Variants in ITGAL observed in about 807,000 individuals in gnomAD.
ITGAL encodes the protein integrin subunit alpha L.
ITGAL carries 68 observed loss-of-function variants against 138.4 expected under a neutral mutation model. The ratio of observed to expected loss-of-function variants is 0.49; its 90% CI spans 0.40 to 0.60. The LOEUF (loss-of-function observed/expected upper bound fraction) is 0.60. Among genes scored for constraint, ITGAL ranks in the 20% least tolerant of loss-of-function variants. ITGAL has a pLI of 0.00. For missense variants in ITGAL, 1,256 were observed against 1,478.6 expected, an observed-to-expected ratio of 0.85 and a Z score of 2.47; for synonymous variants, 561 against 584.3, an observed-to-expected ratio of 0.96 and a Z score of 0.57.
chr16:30,499,318 G>C lies in ITGAL; in HGVS notation c.1994-20G>C. The C allele has an allele frequency of 1.2e-6, 2 of 1,613,858 alleles. No homozygotes were observed. The highest frequency in any genetic ancestry group is 3.3e-4 in the Middle Eastern group (2 of 6,062). On this transcript the variant is annotated intron_variant, in intron 16 of 30. Transcript: ENST00000356798. ...TGGGATCCCCCACCATTTAACTCTT[G>C]CCTTTTCCGCCCTGCCCAGGCCGCC...
chr16:30,502,403 A>C (rs1408276032), intron 17 of ITGAL, among the ~76,000 whole-genome samples: 3 of 94,788 alleles, frequency 3.2e-5, no homozygotes, highest in Non-Finnish European at 5.7e-5. Context: ...TCTCAAAAAA[A>C]AAAAAAAAAA....
At chr16:30,473,783 A>C (rs1204555443) in intron 1 of ITGAL, among the ~76,000 whole-genome samples, 1 of 151,956 alleles carries the variant, frequency 6.6e-6, no homozygotes, top group Admixed American at 6.5e-5. Context: ...ACAATCTGAG[A>C]CTGTGGGAGG....
At position 30,520,948 on chromosome 16, in the gene ITGAL, G is replaced by T. The variant is rs34173344; in HGVS notation, c.3340-544G>T. Among the ~76,000 whole-genome samples, 687 of 152,260 alleles carry T rather than the reference G, an allele frequency of 4.5e-3. 4 individuals are homozygous for T. Among genetic ancestry groups the T allele is most frequent in the African/African-American group, 0.016 (651 of 41,544 alleles). ...AGAAATACAAAATTAGCTGGGCATG[G>T]TGGCGCATGCCTGTAATCCCAGCTG... On this transcript the variant is annotated intron_variant, in intron 30 of 30. Coordinates refer to ENST00000356798, the MANE Select transcript of ITGAL (RefSeq NM_002209.3).
At chr16:30,497,967 G>A (rs1039001042) in intron 15 of ITGAL, among the ~76,000 whole-genome samples, 7 of 151,168 alleles carry the variant, frequency 4.6e-5, no homozygotes, top group Non-Finnish European at 7.4e-5. Flanking sequence ...TAAATAGGCC[G>A]GATGCAATGA....
intron 9 of ITGAL, among the ~76,000 whole-genome samples, chr16:30,484,747 C>T (rs375782011): frequency 1.2e-4 from 19 of 152,004 alleles, no homozygotes; most frequent in African/African-American, 4.1e-4. Context: ...GGCGAAACCC[C>T]GTCTCTACTA....
chr16:30,488,222 T>TTTCAAAGG (rs1231590805), intron 9 of ITGAL, among the ~76,000 whole-genome samples: 1 of 151,340 alleles, frequency 6.6e-6, no homozygotes, highest in African/African-American at 2.4e-5. Context: ...AAAGGGTGTA[T>TTTCAAAGG]TTCAAAGGCA....
intron 20 of ITGAL, among the ~76,000 whole-genome samples, 180 bp downstream of exon 20, chr16:30,505,642 C>T (rs1214317485): frequency 6.6e-6 from 1 of 152,072 alleles, no homozygotes; most frequent in Non-Finnish European, 1.5e-5. Flanking sequence ...CTTCAGGAGG[C>T]CAACCAAAGG....
chr16:30,513,808 A>T lies in ITGAL; in HGVS notation c.2824A>T (p.Lys942Ter), dbSNP rs747315408. Residue 942 changes from lysine to a stop codon, truncating the protein, a stop_gained, in exon 25 of 31, where the codon AAA (lysine) becomes TAA (stop). Coordinates refer to ENST00000356798, the MANE Select transcript of ITGAL (RefSeq NM_002209.3). LOFTEE classifies it high-confidence loss of function. ...CACACTCTATGTCAGTTTCACCCCC[A>T]AAGGCCCCAAGATCCACCAAGTCAA... The part of the protein sequence containing the change: ...DSTLYVSFTP[K>*]GPKIHQVKHM... The T allele has an allele frequency of 6.2e-7, 1 of 1,613,834 alleles. No individual in the cohort carries two copies. Among genetic ancestry groups the T allele is most frequent in the Non-Finnish European group, 8.5e-7 (1 of 1,179,766 alleles).
rs2151163682 is a variant in ITGAL at position 30,502,166 on chromosome 16, G to A, written c.2146-2009G>A. Among the ~76,000 whole-genome samples the A allele has an allele frequency of 2.6e-5, 4 of 152,278 alleles. No individual in the cohort carries two copies. In the Middle Eastern group the frequency reaches 0.01, roughly 388 times the overall value. The stretch of plus-strand genomic sequence containing the variant: ...TAATCCCAGCACTTTGGGAGGCCAA[G>A]GTGGGCGGATCACGAGGTGAGGAGA... On this transcript the variant is annotated intron_variant, in intron 17 of 30. Transcript: ENST00000356798.
chr16:30,490,596 G>T (rs1484090259), intron 11 of ITGAL, among the ~76,000 whole-genome samples: 1 of 152,084 alleles, frequency 6.6e-6, no homozygotes, highest in African/African-American at 2.4e-5. Context: ...TGGAACTGTG[G>T]CTAGTAAACT....
intron 25 of ITGAL, among the ~76,000 whole-genome samples, chr16:30,514,318 C>T (rs1331224624): frequency 6.6e-6 from 1 of 151,832 alleles, no homozygotes; most frequent in African/African-American, 2.4e-5. Context: ...ACTCTGTCAC[C>T]CAGGCTGGAG....
chr16:30,479,967 A>G (rs2050530705), intron 6 of ITGAL, among the ~76,000 whole-genome samples: 2 of 145,974 alleles, frequency 1.4e-5, no homozygotes. Context: ...TTTTTGAGAC[A>G]GGGTCTCACT....
chr16:30,484,216 T>C lies in ITGAL; in HGVS notation c.959T>C (p.Leu320Pro). 1 of 1,614,136 alleles carries C rather than the reference T, an allele frequency of 6.2e-7. No homozygotes were observed. ...AAAATTCTGGACACATTTGAGAAGCTGAAAGATCTATTCACTGAGCTGCAG... is the reference window on the plus strand; with the variant it reads ...AAAATTCTGGACACATTTGAGAAGCCGAAAGATCTATTCACTGAGCTGCAG... ...FVKILDTFEKLKDLFTELQKK... is the reference protein window; with the variant it reads ...FVKILDTFEKPKDLFTELQKK... Residue 320 changes from leucine to proline, a missense_variant, in exon 9 of 31, where the codon CTG becomes CCG. By Grantham distance (98) the Leu-to-Pro change is moderately conservative (BLOSUM62 -3). This residue lies in a region of ITGAL where 177 missense variants were observed against 288.8 expected (regional missense o/e 0.61). Coordinates refer to ENST00000356798, the MANE Select transcript of ITGAL (RefSeq NM_002209.3).
At chr16:30,481,139 T>TAA (rs1254150241) in intron 6 of ITGAL, 4 of 223,928 alleles carry the variant, frequency 1.8e-5, no homozygotes, top group African/African-American at 9.0e-5. Flanking sequence ...CCGTCTCTAC[T>TAA]AAAAACACAC....
At chr16:30,512,842 A>G (rs1256560693) in intron 24 of ITGAL, among the ~76,000 whole-genome samples, 2 of 152,072 alleles carry the variant, frequency 1.3e-5, no homozygotes, top group Non-Finnish European at 2.9e-5. Flanking sequence ...CTGGGACTAC[A>G]GGTGCCTGCC....
At chr16:30,484,316 C>T in intron 9 of ITGAL, 53 bp downstream of exon 9, 1 of 1,566,602 alleles carries the variant, frequency 6.4e-7, no homozygotes, top group Non-Finnish European at 8.7e-7. Flanking sequence ...AGAAATTCCC[C>T]TGGGACATCA....
chr16:30,497,931 A>G (rs2050826704), intron 15 of ITGAL, among the ~76,000 whole-genome samples: 2 of 150,968 alleles, frequency 1.3e-5, no homozygotes, highest in Admixed American at 1.3e-4. Context: ...TGAGCTACAG[A>G]GTGAGATCCT....
rs1064524 is a variant in ITGAL at position 30,481,502 on chromosome 16, C to T, written c.640C>T (p.Arg214Trp). 69,254 of 1,612,466 alleles carry T rather than the reference C, an allele frequency of 0.043. 1,798 individuals are homozygous for T. Among genetic ancestry groups the T allele is most frequent in the Non-Finnish European group, 0.051 (59,955 of 1,178,766 alleles). Residue 214 changes from arginine to tryptophan, a missense_variant, in exon 7 of 31, where the codon CGG becomes TGG. Arg to Trp is a moderately radical substitution (Grantham distance 101, BLOSUM62 -3). Transcript: ENST00000356798. ...ATTTGATTTCTCAGATTATGTTAAA[C>T]GGAAGGACCCTGATGCTCTGCTGAA... ...TEFDFSDYVKRKDPDALLKHV... is the reference protein window; with the variant it reads ...TEFDFSDYVKWKDPDALLKHV...
In ITGAL at chr16:30,494,299, T is replaced by C. The variant is rs1399552741; in HGVS notation, c.1301T>C (p.Leu434Pro). 3 of 1,613,494 alleles carry C rather than the reference T, an allele frequency of 1.9e-6. No homozygotes were observed. Among genetic ancestry groups the C allele is most frequent in the Non-Finnish European group, 2.5e-6 (3 of 1,179,708 alleles). ...APRYQHMGRV[L>P]LFQEPQGGGH... ...CGATACCAGCACATGGGCCGAGTGC[T>C]GCTGTTCCAAGAGCCACAGGGCGGA... Residue 434 changes from leucine to proline, a missense_variant, in exon 12 of 31, where the codon CTG (leucine) becomes CCG (proline). Physicochemically the swap from Leu to Pro is moderately conservative, Grantham distance 98 (BLOSUM62 -3). Transcript: ENST00000356798. This position sits in a 1 kb window ranked among gnomAD's most constrained non-coding sequence, Gnocchi z 4.2.
Sources: allele counts gnomAD v4.1 joint callset (sites outside exome capture counted in the v4.1 genomes callset), GRCh38; gene constraint gnomAD v4.1.1; regional missense constraint gnomAD v4.1.1; non-coding constraint Gnocchi (gnomAD v3.1); transcripts MANE v1.5; gene names NCBI Gene and HGNC (gene_info 2026-07-23, HGNC 2026-07-21).